The following CNTN5 variants were observed in gnomAD, a reference collection of about 807,000 sequenced individuals.
CNTN5 encodes contactin 5, also known as contactin-5.
A neutral mutation model predicts 129.1 loss-of-function variants in CNTN5; 77 were observed. The ratio of observed to expected loss-of-function variants is 0.60; its 90% confidence interval spans 0.50 to 0.72. CNTN5 has a LOEUF of 0.72. Ranked by LOEUF, CNTN5 falls within the 30% of genes least tolerant of loss-of-function variation. The pLI, the probability that CNTN5 is intolerant of heterozygous loss-of-function variation, is 0.00. For missense variants in CNTN5, 1,478 were observed against 1,328.8 expected, an observed-to-expected ratio of 1.11 and a Z score of -1.75; for synonymous variants, 509 against 465.6, an observed-to-expected ratio of 1.09 and a Z score of -1.20.
intron 3 of CNTN5, among the ~76,000 whole-genome samples, chr11:99,616,848 C>T (rs1483392383): frequency 2.6e-5 from 4 of 152,182 alleles, no homozygotes; most frequent in Non-Finnish European, 4.4e-5. Flanking sequence ...CAGTGGCTCA[C>T]GCCTGTAATC....
chr11:99,756,972 T>G (rs1461438268), intron 3 of CNTN5, among the ~76,000 whole-genome samples: 4 of 151,858 alleles, frequency 2.6e-5, no homozygotes, highest in Non-Finnish European at 5.9e-5. Context: ...ATGCCAAACT[T>G]TCTGGCAATA....
At chr11:99,919,182 C>G (rs1949871195) in intron 7 of CNTN5, among the ~76,000 whole-genome samples, 1 of 152,152 alleles carries the variant, frequency 6.6e-6, no homozygotes, top group Non-Finnish European at 1.5e-5. Flanking sequence ...TTTCTTGCGA[C>G]TCCAAGCTTT....
intron 6 of CNTN5, among the ~76,000 whole-genome samples, chr11:99,878,113 G>A (rs1024377684): frequency 2.0e-5 from 3 of 152,176 alleles, no homozygotes; most frequent in African/African-American, 7.2e-5. Flanking sequence ...TGGAATTGTA[G>A]AGCAGAAAGA....
chr11:100,204,703 TTAAG>T (rs34039701), intron 15 of CNTN5, among the ~76,000 whole-genome samples: 23,434 of 151,740 alleles, frequency 0.15, 2,282 homozygotes, highest in Non-Finnish European at 0.21. Flanking sequence ...ACATAAAAAT[TTAAG>T]TATTTTTAAT....
At chr11:99,879,991 T>G (rs1289171204) in intron 6 of CNTN5, among the ~76,000 whole-genome samples, 5 of 152,222 alleles carry the variant, frequency 3.3e-5, no homozygotes. Context: ...CATTGCAGTC[T>G]GTGAGAATAT....
intron 13 of CNTN5, among the ~76,000 whole-genome samples, chr11:100,132,175 G>T (rs1402963040): frequency 6.6e-6 from 1 of 152,084 alleles, no homozygotes; most frequent in East Asian, 1.9e-4. Context: ...TCTCTCATTA[G>T]ACTGAGAACT....
intron 2 of CNTN5, among the ~76,000 whole-genome samples, chr11:99,327,036 C>T (rs1004165724): frequency 1.1e-4 from 17 of 152,090 alleles, no homozygotes; most frequent in Middle Eastern, 6.3e-3. Flanking sequence ...TAATCATGGA[C>T]GCACCTTAAC....
chr11:100,315,916 T>G, intron 21 of CNTN5, among the ~76,000 whole-genome samples: 1 of 152,160 alleles, frequency 6.6e-6, no homozygotes, highest in Admixed American at 6.5e-5. Context: ...GATTGAAAAT[T>G]GAAAGTGGGC....
intron 2 of CNTN5, among the ~76,000 whole-genome samples, chr11:99,413,831 G>A (rs1268189092): frequency 6.6e-6 from 1 of 152,002 alleles, no homozygotes; most frequent in African/African-American, 2.4e-5. Context: ...CCATCTGCAA[G>A]TGAAAAAAAT....
chr11:99,033,819 G>T (rs1427645780), intron 1 of CNTN5, among the ~76,000 whole-genome samples: 2 of 151,990 alleles, frequency 1.3e-5, no homozygotes, highest in South Asian at 2.1e-4. Flanking sequence ...AATAGGAGTG[G>T]TGAGAGAGGG....
intron 1 of CNTN5, among the ~76,000 whole-genome samples, chr11:99,243,453 C>A (rs1404857055): frequency 6.6e-6 from 1 of 151,918 alleles, no homozygotes; most frequent in East Asian, 1.9e-4. Context: ...GCAGAAGAAG[C>A]TCTTTGTTTT....
At chr11:99,120,069 A>G (rs936383632) in intron 1 of CNTN5, 2 of 151,964 alleles carry the variant, frequency 1.3e-5, no homozygotes, top group African/African-American at 2.4e-5. Flanking sequence ...TCCATTCTTT[A>G]GGTTGTCTGT....
At chr11:99,543,784 G>C (rs1007309625) in intron 2 of CNTN5, among the ~76,000 whole-genome samples, 2 of 151,970 alleles carry the variant, frequency 1.3e-5, no homozygotes, top group African/African-American at 4.8e-5. Context: ...TGTGCGTGGT[G>C]GCACACGCCT....
At chr11:99,762,190 GA>G (rs1316724662) in intron 3 of CNTN5, among the ~76,000 whole-genome samples, 1 of 113,244 alleles carries the variant, frequency 8.8e-6, no homozygotes, top group African/African-American at 3.2e-5. Flanking sequence ...AGTAGGTTGC[GA>G]AAATTTTCTC....
chr11:99,811,625 G>A (rs927954027), intron 3 of CNTN5, among the ~76,000 whole-genome samples: 1 of 151,768 alleles, frequency 6.6e-6, no homozygotes, highest in Non-Finnish European at 1.5e-5. Context: ...ATGTCATTCT[G>A]ACTTAATGGA....
At chr11:99,487,475 G>A (rs1945862481) in intron 2 of CNTN5, among the ~76,000 whole-genome samples, 1 of 152,154 alleles carries the variant, frequency 6.6e-6, no homozygotes, top group African/African-American at 2.4e-5. Flanking sequence ...GATGAGAGTA[G>A]GGATGAGGCA....
At chr11:99,151,864 G>A (rs556198471) in intron 1 of CNTN5, among the ~76,000 whole-genome samples, 9 of 152,110 alleles carry the variant, frequency 5.9e-5, no homozygotes, top group African/African-American at 2.2e-4. Flanking sequence ...ACACACCGGG[G>A]CCTGTCAGGG....
chr11:99,326,267 A>G lies in CNTN5; in HGVS notation c.-71+783A>G, dbSNP rs188721436. Among the ~76,000 whole-genome samples the G allele has an allele frequency of 4.5e-4, 69 of 152,346 alleles. 3 individuals are homozygous for G. The East Asian group carries it at 0.013, about 28-fold the overall frequency. ...TTCTGATGTACTTTTTAGATAATCAACCAAGAAGGTCAATACACTATGAAT... is the reference window on the plus strand; with the variant it reads ...TTCTGATGTACTTTTTAGATAATCAGCCAAGAAGGTCAATACACTATGAAT... On this transcript the variant is annotated intron_variant, in intron 2 of 24. Coordinates refer to ENST00000524871, the MANE Select transcript of CNTN5 (RefSeq NM_014361.4).
intron 15 of CNTN5, among the ~76,000 whole-genome samples, chr11:100,199,017 G>A (rs1948713804): frequency 6.6e-6 from 1 of 151,882 alleles, no homozygotes; most frequent in Non-Finnish European, 1.5e-5. Context: ...TGCTCAATTG[G>A]CAACATTCTG....
Sources: allele counts gnomAD v4.1 joint callset (sites outside exome capture counted in the v4.1 genomes callset), GRCh38; gene constraint gnomAD v4.1.1; transcripts MANE v1.5; gene names NCBI Gene and HGNC (gene_info 2026-07-23, HGNC 2026-07-21).